The following PFKFB3 variants were observed in gnomAD, a reference collection of about 807,000 sequenced individuals.
PFKFB3 encodes 6-phosphofructo-2-kinase/fructose-2,6-biphosphatase 3.
A neutral mutation model predicts 68.0 loss-of-function variants in PFKFB3; 33 were observed. That is an observed-to-expected ratio of 0.49 (90% CI 0.37 to 0.65). The LOEUF (loss-of-function observed/expected upper bound fraction) is 0.65. Among genes scored for constraint, PFKFB3 ranks in the 30% least tolerant of loss-of-function variants. The pLI is 0.00. For missense variants in PFKFB3, 586 were observed against 712.2 expected (o/e 0.82, Z 2.02); for synonymous variants, 315 against 288.2 (o/e 1.09, Z -0.94).
chr10:6,183,853 A>G (rs1053478504), intron 1 of PFKFB3, among the ~76,000 whole-genome samples: 2 of 150,754 alleles, frequency 1.3e-5, no homozygotes, highest in African/African-American at 4.9e-5. Context: ...ACGCCCGGCT[A>G]ATTTTTTTTT....
At chr10:6,217,321 G>A in intron 6 of PFKFB3, 130 bp downstream of exon 6, 1 of 852,508 alleles carries the variant, frequency 1.2e-6, no homozygotes, top group Non-Finnish European at 2.0e-6. Flanking sequence ...GCCCCCAGCT[G>A]GCTGTTGATT....
At chr10:6,147,967 C>G (rs1270368682) in intron 1 of PFKFB3, among the ~76,000 whole-genome samples, 1 of 152,200 alleles carries the variant, frequency 6.6e-6, no homozygotes, top group Admixed American at 6.6e-5. Context: ...TGGTCCTGTC[C>G]CTCACTTATG....
downstream of PFKFB3, among the ~76,000 whole-genome samples, chr10:6,259,428 A>G (rs1846520316): frequency 6.6e-6 from 1 of 151,582 alleles, no homozygotes; most frequent in Admixed American, 6.6e-5. Context: ...CTACTCATCC[A>G]TCCATCCACC....
intron 14 of PFKFB3, among the ~76,000 whole-genome samples, chr10:6,243,945 G>A (rs1053915850): frequency 2.0e-5 from 3 of 151,890 alleles, no homozygotes; most frequent in African/African-American, 4.8e-5. Flanking sequence ...GGCTGGTCTC[G>A]AACTCCTGGG....
At position 6,221,491 on chromosome 10, in the gene PFKFB3, C is replaced by G; in HGVS notation, c.942C>G (p.Pro314=). ...AGACGGCCGAGGCGCTGCGGCTGCC[C>G]TACGAGCAGTGGAAGGCGCTCAATG... ...TIQTAEALRL[P]YEQWKALNEI... Residue 314 remains proline, a synonymous_variant, in exon 9 of 15, where the codon CCC becomes CCG. Transcript: ENST00000379775. The G allele has an allele frequency of 6.2e-7, 1 of 1,613,564 alleles. No homozygotes were observed. Among genetic ancestry groups the G allele is most frequent in the South Asian group, 1.1e-5 (1 of 91,090 alleles).
chr10:6,268,826 A>G, the PFKFB3 span, among the ~76,000 whole-genome samples: 2 of 151,706 alleles, frequency 1.3e-5, no homozygotes, highest in Non-Finnish European at 2.9e-5. Context: ...GTTCGAGACC[A>G]GCCTAGGCAA....
chr10:6,225,837 C>A (rs1564640079), intron 13 of PFKFB3, among the ~76,000 whole-genome samples: 1 of 152,202 alleles, frequency 6.6e-6, no homozygotes, highest in Non-Finnish European at 1.5e-5. Context: ...TCCTAGATGC[C>A]CCTCCTCAGC....
At chr10:6,315,100 C>T in the PFKFB3 span, among the ~76,000 whole-genome samples, 2 of 152,202 alleles carry the variant, frequency 1.3e-5, no homozygotes, top group East Asian at 1.9e-4. Flanking sequence ...CCCACCTGCC[C>T]ACCCCTAGGC....
At chr10:6,281,425 A>G in the PFKFB3 span, among the ~76,000 whole-genome samples, 1 of 152,000 alleles carries the variant, frequency 6.6e-6, no homozygotes, top group Non-Finnish European at 1.5e-5. Context: ...CAGACTGTGT[A>G]GTTTTGATTC....
chr10:6,293,812 C>T, the PFKFB3 span: 2 of 407,002 alleles, frequency 4.9e-6, no homozygotes. Context: ...ACAGTTTTCA[C>T]CATTGATTTG....
chr10:6,250,319 A>G (rs567939245), intron 14 of PFKFB3, among the ~76,000 whole-genome samples: 2 of 152,220 alleles, frequency 1.3e-5, no homozygotes, highest in East Asian at 3.9e-4. Flanking sequence ...TAATCCCAGC[A>G]CTTTGGGAGG....
chr10:6,307,465 A>G, the PFKFB3 span, among the ~76,000 whole-genome samples: 1 of 152,032 alleles, frequency 6.6e-6, no homozygotes, highest in Non-Finnish European at 1.5e-5. Context: ...TGTACTGAGA[A>G]TGAATTAGGA....
chr10:6,314,763 G>C, the PFKFB3 span, among the ~76,000 whole-genome samples: 1 of 152,190 alleles, frequency 6.6e-6, no homozygotes, highest in Admixed American at 6.5e-5. Flanking sequence ...GAACTAACGA[G>C]CTGCCCCTTC....
chr10:6,316,624 T>G, the PFKFB3 span, among the ~76,000 whole-genome samples: 3 of 152,098 alleles, frequency 2.0e-5, no homozygotes, highest in Non-Finnish European at 4.4e-5. Context: ...ATTACAGGCA[T>G]GCACCACCAC....
chr10:6,207,029 A>ACGGGG, intron 1 of PFKFB3, among the ~76,000 whole-genome samples: 1 of 150,608 alleles, frequency 6.6e-6, no homozygotes, highest in African/African-American at 2.4e-5. Context: ...CACTTCCCAG[A>ACGGGG]TGGGGTGGCG....
the PFKFB3 span, among the ~76,000 whole-genome samples, chr10:6,317,277 C>T: frequency 6.6e-6 from 1 of 152,170 alleles, no homozygotes; most frequent in Admixed American, 6.6e-5. Flanking sequence ...TGATGCATCT[C>T]CCTGGGTGGC....
At chr10:6,300,713 C>T in the PFKFB3 span, among the ~76,000 whole-genome samples, 8 of 152,248 alleles carry the variant, frequency 5.3e-5, no homozygotes, top group South Asian at 4.1e-4. Flanking sequence ...GCCAGTCTCG[C>T]GAGGCACCGT....
chr10:6,313,313 A>C, the PFKFB3 span, among the ~76,000 whole-genome samples: 1 of 152,222 alleles, frequency 6.6e-6, no homozygotes, highest in African/African-American at 2.4e-5. The surrounding 1 kb of genome is among the most constrained non-coding windows in gnomAD (Gnocchi z 4.2). Context: ...TACAATCAGC[A>C]GTTTTACTCT....
At chr10:6,219,195 C>T (rs886643267) in intron 6 of PFKFB3, among the ~76,000 whole-genome samples, 16 of 152,238 alleles carry the variant, frequency 1.1e-4, no homozygotes, top group South Asian at 2.1e-4. Context: ...AGCCTCCTCC[C>T]GGCACGGGGA....
Sources: gnomAD v4.1 joint callset for allele counts (sites outside exome capture counted in the v4.1 genomes callset) on GRCh38, gnomAD v4.1.1 for gene constraint, Gnocchi (gnomAD v3.1) non-coding constraint, MANE v1.5 for transcripts, NCBI Gene and HGNC (gene_info 2026-07-23, HGNC 2026-07-21) for gene names.